The following TEX52 variants were observed in gnomAD, a reference collection of about 807,000 sequenced individuals.
The protein encoded by TEX52 is testis-expressed protein 52.
Under a neutral mutation model 17.6 loss-of-function variants are expected in TEX52, and 22 were observed. The ratio of observed to expected loss-of-function variants is 1.25; its 90% CI spans 0.89 to 1.78. The LOEUF (loss-of-function observed/expected upper bound fraction) is 1.78. Among genes scored for constraint, TEX52 ranks in the 40% most tolerant of loss-of-function variants. The pLI, the probability that TEX52 is intolerant of heterozygous loss-of-function variation, is 0.00. For missense variants in TEX52, 396 were observed against 372.3 expected (o/e 1.06, Z -0.52); for synonymous variants, 168 against 147.4 (o/e 1.14, Z -1.01).
intron 2 of TEX52, among the ~76,000 whole-genome samples, chr12:2,852,328 A>G (rs2098073660): frequency 3.3e-5 from 5 of 152,052 alleles, no homozygotes; most frequent in Admixed American, 3.3e-4. Flanking sequence ...GCCCTGTGCC[A>G]TTTGACCCTC....
rs1317266219 is a variant in TEX52, at chr12:2,856,979, A to G, written c.48T>C (p.Ser16=). 1 of 703,008 alleles carries G rather than the reference A, an allele frequency of 1.4e-6. No individual in the cohort carries two copies. The highest frequency in any genetic ancestry group is 2.7e-5 in the East Asian group (1 of 37,282). 43.5% of individuals were successfully genotyped at this position (703,008 alleles called of 1,614,324 possible). ...QRSLRGPSHP[S]HMEEPFLQMV... is the part of the protein sequence containing the mutation. ...CCTGCAGGAAAGGTTCTTCCATATG[A>G]GATGGGTGACTGGGCCCTCTGAGTG... The change falls in exon 1 of 3, where the codon TCT becomes TCC. Residue 16 remains serine (S), a synonymous_variant. Transcript: ENST00000637658.
chr12:2,853,612 TG>T (rs67536003), intron 2 of TEX52, among the ~76,000 whole-genome samples: 18,801 of 148,450 alleles, frequency 0.13, 1,266 homozygotes, highest in South Asian at 0.29. Flanking sequence ...TTTTTGTTTT[TG>T]TTTTTTTTTC....
chr12:2,850,230 C>G (rs1301125455), intron 2 of TEX52, among the ~76,000 whole-genome samples: 1 of 152,098 alleles, frequency 6.6e-6, no homozygotes, highest in Non-Finnish European at 1.5e-5. Context: ...AATCCCAGCA[C>G]TTTGGGAGGC....
chr12:2,849,096 G>A lies in TEX52; in HGVS notation c.*135C>T, dbSNP rs2098061723. 1 of 873,438 alleles carries A rather than the reference G, an allele frequency of 1.1e-6. No individual in the cohort carries two copies. Among genetic ancestry groups the A allele is most frequent in the African/African-American group, 1.7e-5 (1 of 58,710 alleles). The allele number at this position is 873,438 out of a possible 1,614,324, so 54.1% of individuals were successfully genotyped here. A position where few individuals can be genotyped will look rare whatever the true frequency, so the allele number is the denominator to read the frequency against. On this transcript the variant is annotated 3_prime_UTR_variant, in exon 3 of 3. Coordinates refer to ENST00000637658, the MANE Select transcript of TEX52 (RefSeq NM_001365174.2). ...GGGTACAGAGGTGGCTTGAGGCTGGGAGGATGGTGGAGAGGCTGTTCTGCA... is the reference window on the plus strand; with the variant it reads ...GGGTACAGAGGTGGCTTGAGGCTGGAAGGATGGTGGAGAGGCTGTTCTGCA...
intron 1 of TEX52, among the ~76,000 whole-genome samples, chr12:2,855,776 A>T (rs1406954090): frequency 1.3e-5 from 2 of 152,064 alleles, no homozygotes. Flanking sequence ...CCACCCAGGA[A>T]CTGGTGCTCC....
chr12:2,848,877 G>GTA (rs1555092609), downstream of TEX52, among the ~76,000 whole-genome samples: 25 of 140,372 alleles, frequency 1.8e-4, no homozygotes, highest in Admixed American at 1.6e-3. Context: ...ACACACACAC[G>GTA]CACACACACA....
chr12:2,855,115 GT>G lies in TEX52; in HGVS notation c.403del (p.Thr135ArgfsTer17), dbSNP rs2098083202. On this transcript the variant is annotated frameshift_variant, in exon 2 of 3. Transcript: ENST00000637658. LOFTEE classifies it high-confidence loss of function. Reference sequence around the variant, plus strand: ...GGAGGGAGGGGGGATGGGGTGCTCCGTGGGGGGGCATCTGTGGGCATTGGAG... The same window carrying G: ...GGAGGGAGGGGGGATGGGGTGCTCCGGGGGGGGCATCTGTGGGCATTGGAG... ...TDSNAHRCPP[T>X]EHPIPPPSWM... 1.3e-6 allele frequency: 2 copies of G among 1,533,978 alleles called. No individual in the cohort carries two copies. Among genetic ancestry groups the G allele is most frequent in the African/African-American group, 2.7e-5 (2 of 72,962 alleles).
chr12:2,849,931 C>T (rs1043048153), intron 2 of TEX52, among the ~76,000 whole-genome samples: 14 of 152,168 alleles, frequency 9.2e-5, no homozygotes, highest in African/African-American at 3.4e-4. Context: ...GGTATTGGGT[C>T]GAACAGTAGG....
In TEX52 at chr12:2,849,392, T is replaced by C. The variant is rs1261773206; in HGVS notation, c.757A>G (p.Lys253Glu). The C allele has an allele frequency of 6.5e-7, 1 of 1,536,038 alleles. No individual in the cohort carries two copies. The highest frequency in any genetic ancestry group is 8.7e-7 in the Non-Finnish European group (1 of 1,146,912). The change falls in exon 3 of 3, where the codon AAG becomes GAG. Residue 253 changes from lysine to glutamate, a missense_variant. Coordinates refer to ENST00000637658, the MANE Select transcript of TEX52 (RefSeq NM_001365174.2). Reference protein sequence around the residue: ...PLPHYQEKVLKLALLPSAPLS... With the variant: ...PLPHYQEKVLELALLPSAPLS... ...GGCGCGCTGGGCAGCAAGGCCAGCT[T>C]TAGCACCTTCTCCTGGTAGTGAGGC...
At chr12:2,848,458 T>C (rs1018711038), downstream of TEX52, among the ~76,000 whole-genome samples, 1 of 152,250 alleles carries the variant, frequency 6.6e-6, no homozygotes, top group African/African-American at 2.4e-5. Context: ...GCCTCTGGGC[T>C]GACTGCTCTT....
intron 2 of TEX52, among the ~76,000 whole-genome samples, chr12:2,852,415 G>A (rs2098073988): frequency 6.6e-6 from 1 of 152,004 alleles, no homozygotes; most frequent in African/African-American, 2.4e-5. Context: ...TGCCCAGCCT[G>A]GAGTGCAGTG....
intron 1 of TEX52, among the ~76,000 whole-genome samples, 198 bp downstream of exon 1, chr12:2,856,757 G>A (rs533639423): frequency 6.6e-6 from 1 of 152,334 alleles, no homozygotes; most frequent in East Asian, 1.9e-4. Context: ...GGGGCTGGGA[G>A]ATGTGGCACT....
intron 1 of TEX52, among the ~76,000 whole-genome samples, chr12:2,855,859 C>T (rs985269712): frequency 3.9e-5 from 6 of 152,126 alleles, no homozygotes; most frequent in African/African-American, 1.4e-4. Context: ...GGCAGCCCAC[C>T]TTCACTTGCT....
At chr12:2,847,910 A>G (rs564468555), downstream of TEX52, among the ~76,000 whole-genome samples, 18 of 152,300 alleles carry the variant, frequency 1.2e-4, no homozygotes, top group Non-Finnish European at 2.4e-4. Context: ...ATGGCTACAT[A>G]ATATTCTATC....
intron 1 of TEX52, 57 bp from the exon 2 acceptor site, chr12:2,855,503 G>A (rs2098084513): frequency 7.6e-7 from 1 of 1,318,494 alleles, no homozygotes; most frequent in Non-Finnish European, 9.9e-7. Context: ...GTGCAGAAAG[G>A]TGGGTGAGGC....
In TEX52 at chr12:2,855,144, G is replaced by A. The variant is rs962015485; in HGVS notation, c.375C>T (p.Thr125=). The A allele has an allele frequency of 3.0e-5, 46 of 1,529,654 alleles. No homozygotes were observed. The highest frequency in any genetic ancestry group is 7.4e-5 in the East Asian group (3 of 40,730). The allele number at this position is 1,529,654 out of a possible 1,614,324, so 94.8% of individuals were successfully genotyped here. ...PYDSNVWRWL[T]DSNAHRCPPT... ...GGGGGCATCTGTGGGCATTGGAGTC[G>A]GTCAGCCAGCGCCAGACATTGCTAT... The change falls in exon 2 of 3, where the codon ACC becomes ACT. Residue 125 remains threonine (T), a synonymous_variant. Coordinates refer to ENST00000637658, the MANE Select transcript of TEX52 (RefSeq NM_001365174.2).
intron 2 of TEX52, among the ~76,000 whole-genome samples, chr12:2,854,391 G>T (rs1337462374): frequency 6.6e-6 from 1 of 152,204 alleles, no homozygotes; most frequent in Non-Finnish European, 1.5e-5. Context: ...CCACAGTGAG[G>T]TCGGTACCTG....
chr12:2,855,932 C>T (rs957425375), intron 1 of TEX52, among the ~76,000 whole-genome samples: 2 of 152,102 alleles, frequency 1.3e-5, no homozygotes, highest in African/African-American at 2.4e-5. Flanking sequence ...TTTCCCATCC[C>T]AGACTCCTCT....
rs758545422 is a variant in TEX52, at chr12:2,855,441, G to T, written c.78C>A (p.Val26=). Residue 26 remains valine, a synonymous_variant, in exon 2 of 3, where the codon GTC becomes GTA. Transcript: ENST00000637658. ...AGGGTGGGAGGGACTCGCTGGCCTG[G>T]ACCATCTAGGGAGAGACAAAAGGGA... ...SHMEEPFLQM[V]QASESLPPSQ... 97 of 1,466,250 alleles carry T rather than the reference G, an allele frequency of 6.6e-5. No homozygotes were observed. Among genetic ancestry groups the T allele is most frequent in the Non-Finnish European group, 8.0e-5 (89 of 1,108,074 alleles). 90.8% of individuals were successfully genotyped at this position (1,466,250 alleles called of 1,614,324 possible). A position where few individuals can be genotyped will look rare whatever the true frequency, so the allele number is the denominator to read the frequency against.
Sources: gnomAD v4.1 joint callset for allele counts (sites outside exome capture counted in the v4.1 genomes callset) on GRCh38, gnomAD v4.1.1 for gene constraint, MANE v1.5 for transcripts, NCBI Gene and HGNC (gene_info 2026-07-23, HGNC 2026-07-21) for gene names.